The following LHFPL6 variants were observed in gnomAD, a reference collection of about 807,000 sequenced individuals.
The protein encoded by LHFPL6 is LHFPL tetraspan subfamily member 6, also known as LHFPL tetraspan subfamily member 6 protein.
LHFPL6 carries 9 observed loss-of-function variants against 20.6 expected under a neutral mutation model. The observed-to-expected ratio is 0.44, with a 90% confidence interval of 0.26 to 0.76. LHFPL6 has a LOEUF of 0.76. Among genes scored for constraint, LHFPL6 ranks in the 30% least tolerant of loss-of-function variants. LHFPL6 has a pLI of 0.20. For missense variants in LHFPL6, 218 were observed against 253.5 expected (o/e 0.86, Z 0.95); for synonymous variants, 105 against 98.7 (o/e 1.06, Z -0.38).
chr13:39,485,475 A>G (rs1188828938), intron 2 of LHFPL6, among the ~76,000 whole-genome samples: 1 of 152,228 alleles, frequency 6.6e-6, no homozygotes, highest in Non-Finnish European at 1.5e-5. Flanking sequence ...TCAATGGGAA[A>G]GAAATAGAAG....
At chr13:39,551,708 G>A (rs1165414660) in intron 2 of LHFPL6, among the ~76,000 whole-genome samples, 5 of 152,002 alleles carry the variant, frequency 3.3e-5, no homozygotes, top group African/African-American at 9.7e-5. Flanking sequence ...CAATATTGAC[G>A]ACTTCCATGC....
chr13:39,490,503 T>C (rs1255829407), intron 2 of LHFPL6, among the ~76,000 whole-genome samples: 4 of 152,168 alleles, frequency 2.6e-5, no homozygotes. Context: ...ATCTCCACTC[T>C]GGAAAAAATC....
chr13:39,473,079 A>G (rs915801000), intron 2 of LHFPL6, among the ~76,000 whole-genome samples: 5 of 152,124 alleles, frequency 3.3e-5, no homozygotes, highest in Non-Finnish European at 2.9e-5. Context: ...ATAATGGAGC[A>G]CTCACAGAAC....
intron 1 of LHFPL6, among the ~76,000 whole-genome samples, chr13:39,602,444 C>T (rs763749379): frequency 1.4e-4 from 21 of 152,182 alleles, no homozygotes; most frequent in Admixed American, 6.5e-5. Flanking sequence ...ATCTTGTCAA[C>T]TGCAGTCAGG....
At chr13:39,442,536 AAAG>A (rs1194698566) in intron 2 of LHFPL6, among the ~76,000 whole-genome samples, 5 of 152,232 alleles carry the variant, frequency 3.3e-5, no homozygotes, top group Admixed American at 6.5e-5. Context: ...GGAAGGCATG[AAAG>A]AAGAAGGCAT....
chr13:39,439,171 G>A (rs1872048090), intron 2 of LHFPL6, among the ~76,000 whole-genome samples: 1 of 152,234 alleles, frequency 6.6e-6, no homozygotes, highest in Non-Finnish European at 1.5e-5. Flanking sequence ...AAGGCTTTGG[G>A]AGCCCACCCA....
chr13:39,539,475 C>A (rs1026735516), intron 2 of LHFPL6, among the ~76,000 whole-genome samples: 9 of 152,162 alleles, frequency 5.9e-5, no homozygotes, highest in African/African-American at 1.9e-4. Context: ...GACGATTGGG[C>A]CCTTCACCTC....
chr13:39,592,765 T>G (rs1193719726), intron 2 of LHFPL6, among the ~76,000 whole-genome samples: 1 of 152,192 alleles, frequency 6.6e-6, no homozygotes, highest in East Asian at 1.9e-4. Flanking sequence ...ATCAAAAAGC[T>G]TATCCACCAT....
chr13:39,485,559 G>T (rs1274803813), intron 2 of LHFPL6, among the ~76,000 whole-genome samples: 1 of 152,100 alleles, frequency 6.6e-6, no homozygotes, highest in African/African-American at 2.4e-5. Context: ...GACTAGAGAA[G>T]AAAACAGAGT....
rs1405769959 is a variant in LHFPL6 at position 39,475,438 on chromosome 13, TTG to T, written c.386-96914_386-96913del. Among the ~76,000 whole-genome samples the T allele has an allele frequency of 1.4e-4, 21 of 152,170 alleles. 1 individual carries two copies. The highest frequency in any genetic ancestry group is 9.1e-4 in the Admixed American group (14 of 15,302). On this transcript the variant is annotated intron_variant, in intron 2 of 3. Coordinates refer to ENST00000379589, the MANE Select transcript of LHFPL6 (RefSeq NM_005780.3). Reference sequence around the variant, plus strand: ...GATTTACTGCTCCATCTTTTTTTTTTTGGAAGGAAGGAAGCCATGAAGAAACA... The same window carrying T: ...GATTTACTGCTCCATCTTTTTTTTTTGAAGGAAGGAAGCCATGAAGAAACA...
chr13:39,428,822 C>T (rs1593309531), intron 2 of LHFPL6, among the ~76,000 whole-genome samples: 1 of 152,188 alleles, frequency 6.6e-6, no homozygotes, highest in East Asian at 1.9e-4. Flanking sequence ...GAATTTCCCT[C>T]TAAATATTGC....
intron 2 of LHFPL6, among the ~76,000 whole-genome samples, chr13:39,481,005 A>G (rs1299486430): frequency 6.6e-6 from 1 of 152,258 alleles, no homozygotes; most frequent in Non-Finnish European, 1.5e-5. Flanking sequence ...TTATATATTT[A>G]TAAGTCTACA....
At chr13:39,573,663 T>C (rs543372259) in intron 2 of LHFPL6, among the ~76,000 whole-genome samples, 1 of 152,226 alleles carries the variant, frequency 6.6e-6, no homozygotes, top group African/African-American at 2.4e-5. Context: ...ATCTTTATTC[T>C]ACTTTGCCCC....
chr13:39,592,446 C>T lies in LHFPL6; in HGVS notation c.385+8386G>A, dbSNP rs1320310000. ...GGAAGAAGTTGAATCCCTGAATAGA[C>T]CAATAACAGGCTCTGAAATTGAGGC... is the stretch of plus-strand genomic sequence containing the variant. On this transcript the variant is annotated intron_variant, in intron 2 of 3. Coordinates refer to ENST00000379589, the MANE Select transcript of LHFPL6 (RefSeq NM_005780.3). Among the ~76,000 whole-genome samples, 6 of 152,268 alleles carry T rather than the reference C, an allele frequency of 3.9e-5. No homozygotes were observed. The South Asian group carries it at 8.3e-4, about 21-fold the overall frequency.
chr13:39,468,480 GA>G (rs148561953), intron 2 of LHFPL6, among the ~76,000 whole-genome samples: 21,090 of 149,116 alleles, frequency 0.14, 1,591 homozygotes, highest in South Asian at 0.23. Flanking sequence ...AGCAGTTCCT[GA>G]AAAAAAAAAT....
At chr13:39,455,140 T>G (rs929384928) in intron 2 of LHFPL6, among the ~76,000 whole-genome samples, 4 of 152,108 alleles carry the variant, frequency 2.6e-5, no homozygotes, top group African/African-American at 9.7e-5. Flanking sequence ...AATAAAGTTT[T>G]GTTGTTTAGA....
At chr13:39,492,024 T>A (rs1868941721) in intron 2 of LHFPL6, among the ~76,000 whole-genome samples, 1 of 152,226 alleles carries the variant, frequency 6.6e-6, no homozygotes, top group Admixed American at 6.5e-5. Flanking sequence ...TACATTAAGC[T>A]GTGACCTTCT....
At chr13:39,492,055 A>G (rs1415655428) in intron 2 of LHFPL6, among the ~76,000 whole-genome samples, 1 of 152,258 alleles carries the variant, frequency 6.6e-6, no homozygotes, top group East Asian at 1.9e-4. Flanking sequence ...AACGGTTTTC[A>G]TTCATCTTTC....
intron 2 of LHFPL6, among the ~76,000 whole-genome samples, chr13:39,573,684 G>A (rs1341626307): frequency 6.6e-6 from 1 of 151,470 alleles, no homozygotes; most frequent in Non-Finnish European, 1.5e-5. Context: ...ACACAAAAGG[G>A]ACTGGAAATA....
Sources: allele counts gnomAD v4.1 joint callset (sites outside exome capture counted in the v4.1 genomes callset), GRCh38; gene constraint gnomAD v4.1.1; transcripts MANE v1.5; gene names NCBI Gene and HGNC (gene_info 2026-07-23, HGNC 2026-07-21).